CSTF3: variants seen among roughly 807,000 people sequenced by gnomAD.
The protein encoded by CSTF3 is CF-1 77 kDa subunit.
CSTF3 carries 29 observed loss-of-function variants against 105.8 expected under a neutral mutation model. That is an observed-to-expected ratio of 0.27 (90% confidence interval 0.20 to 0.37). The LOEUF (loss-of-function observed/expected upper bound fraction) is 0.37, where lower values mean the gene tolerates loss of function less well. Among genes scored for constraint, CSTF3 ranks in the 10% least tolerant of loss-of-function variants. The pLI is 1.00. For synonymous variants in CSTF3, 252 were observed against 281.9 expected, an observed-to-expected ratio of 0.89 and a Z score of 1.06; for missense variants, 357 against 879.3, an observed-to-expected ratio of 0.41 and a Z score of 7.51.
rs755149209 is a variant in CSTF3, at chr11:33,092,265, G to C, written c.1445+6C>G. Reference sequence around the variant, plus strand: ...ACCTGATCAACAACTTTTCACAATGGCTTACCCAGACTTCTCAGGAGGAAG... The same window carrying C: ...ACCTGATCAACAACTTTTCACAATGCCTTACCCAGACTTCTCAGGAGGAAG... On this transcript the variant is annotated splice_donor_region_variant and intron_variant, in intron 16 of 20. Transcript: ENST00000323959. 7.6e-6 allele frequency: 12 copies of C among 1,587,354 alleles called. No homozygotes were observed. The East Asian group carries it at 2.5e-4, about 34-fold the overall frequency.
intron 3 of CSTF3, among the ~76,000 whole-genome samples, chr11:33,127,908 A>G (rs1357973667): frequency 6.6e-6 from 1 of 152,172 alleles, no homozygotes; most frequent in Admixed American, 6.5e-5. Flanking sequence ...CCCTTTGGTA[A>G]AATTATCCCT....
At chr11:33,104,787 C>A (rs964351817) in intron 8 of CSTF3, among the ~76,000 whole-genome samples, 1 of 152,118 alleles carries the variant, frequency 6.6e-6, no homozygotes, top group African/African-American at 2.4e-5. Flanking sequence ...ACAAAAAATT[C>A]TTTGTGATCT....
chr11:33,154,778 C>A lies in CSTF3; in HGVS notation c.27+6521G>T, dbSNP rs372508940. Among the ~76,000 whole-genome samples the A allele has an allele frequency of 9.9e-5, 15 of 152,048 alleles. 2 individuals are homozygous for A. The highest frequency in any genetic ancestry group is 7.9e-4 in the Admixed American group (12 of 15,246). ...CCGAAGTGCTGGGATTACAGACAGG[C>A]GTGAGCCACGGTGCCGTGCTGAGAC... On this transcript the variant is annotated intron_variant, in intron 1 of 20. Coordinates refer to ENST00000323959, the MANE Select transcript of CSTF3 (RefSeq NM_001326.3).
intron 3 of CSTF3, among the ~76,000 whole-genome samples, chr11:33,138,470 A>G (rs145133585): frequency 6.6e-6 from 1 of 151,874 alleles, no homozygotes; most frequent in African/African-American, 2.4e-5. Flanking sequence ...AGTTCTTTAA[A>G]GAGCACTGAG....
chr11:33,112,333 G>C (rs1295503218), intron 3 of CSTF3, among the ~76,000 whole-genome samples: 1 of 151,880 alleles, frequency 6.6e-6, no homozygotes, highest in Non-Finnish European at 1.5e-5. Flanking sequence ...TGATCACATT[G>C]CATTAATTAC....
intron 3 of CSTF3, among the ~76,000 whole-genome samples, chr11:33,129,535 T>C (rs1222389011): frequency 5.3e-5 from 8 of 152,192 alleles, no homozygotes; most frequent in Non-Finnish European, 8.8e-5. Flanking sequence ...AAAAAAGGTG[T>C]TAATACTTTG....
intron 3 of CSTF3, among the ~76,000 whole-genome samples, chr11:33,132,271 G>C (rs773057250): frequency 2.0e-5 from 3 of 151,890 alleles, no homozygotes; most frequent in Non-Finnish European, 4.4e-5. Flanking sequence ...AATATGATCA[G>C]ACCACTGTTA....
chr11:33,124,751 C>G (rs187225875), intron 3 of CSTF3, among the ~76,000 whole-genome samples: 1 of 152,100 alleles, frequency 6.6e-6, no homozygotes, highest in Admixed American at 6.5e-5. Context: ...AAAATGCATG[C>G]GTAACTTCCA....
intron 3 of CSTF3, among the ~76,000 whole-genome samples, chr11:33,115,490 C>T (rs1012812700): frequency 1.3e-5 from 2 of 152,116 alleles, no homozygotes; most frequent in African/African-American, 4.8e-5. Flanking sequence ...TTCTTCTTTC[C>T]ACCACCCACT....
At chr11:33,107,878 T>A in intron 5 of CSTF3, 25 bp downstream of exon 5, 1 of 1,417,012 alleles carries the variant, frequency 7.1e-7, no homozygotes, top group African/African-American at 1.4e-5. Flanking sequence ...ATGACTTGCA[T>A]TCTTAAGATC....
chr11:33,131,637 G>C (rs1045633116), intron 3 of CSTF3, among the ~76,000 whole-genome samples: 6 of 151,994 alleles, frequency 3.9e-5, no homozygotes, highest in Non-Finnish European at 7.4e-5. Flanking sequence ...ACGAGGTCAG[G>C]AGATCGAGAC....
At chr11:33,148,593 G>A (rs1304411854) in intron 1 of CSTF3, among the ~76,000 whole-genome samples, 2 of 152,058 alleles carry the variant, frequency 1.3e-5, no homozygotes, top group East Asian at 3.9e-4. Flanking sequence ...ACACTCAGGA[G>A]GCTGAGGTGG....
chr11:33,117,494 C>G (rs1855441578), intron 3 of CSTF3, among the ~76,000 whole-genome samples: 1 of 151,912 alleles, frequency 6.6e-6, no homozygotes, highest in Non-Finnish European at 1.5e-5. Flanking sequence ...TTTGTAAGCA[C>G]TACTCCAAGA....
chr11:33,090,765 C>T (rs1443113463), intron 16 of CSTF3, 38 bp from the exon 17 acceptor site: 29 of 1,437,586 alleles, frequency 2.0e-5, no homozygotes, highest in Non-Finnish European at 2.5e-5. Context: ...TTTAATTATT[C>T]TGGGTTTAGG....
intron 3 of CSTF3, among the ~76,000 whole-genome samples, chr11:33,112,787 T>C (rs1855392812): frequency 6.6e-6 from 1 of 152,170 alleles, no homozygotes; most frequent in African/African-American, 2.4e-5. Flanking sequence ...GTTTAAATTC[T>C]AAAAATAAAA....
Position 33,132,432 on chromosome 11 carries a change from G to A in CSTF3, c.225+9235C>T, listed in dbSNP as rs981489841. On this transcript the variant is annotated intron_variant, in intron 3 of 20. Coordinates refer to ENST00000323959, the MANE Select transcript of CSTF3 (RefSeq NM_001326.3). Reference sequence around the variant, plus strand: ...TTAGAGATGGGGTGATTACTACATTGCCCAGGCTGGTCTCAAACTCGTGGG... The same window carrying A: ...TTAGAGATGGGGTGATTACTACATTACCCAGGCTGGTCTCAAACTCGTGGG... Among the ~76,000 whole-genome samples, 22 of 152,096 alleles carry A rather than the reference G, an allele frequency of 1.4e-4. No homozygotes were observed. The South Asian group carries it at 1.5e-3, about 10-fold the overall frequency.
At chr11:33,087,434 G>A (rs529564762) in intron 17 of CSTF3, among the ~76,000 whole-genome samples, 1 of 152,182 alleles carries the variant, frequency 6.6e-6, no homozygotes, top group African/African-American at 2.4e-5. Context: ...TGGGTAGTCA[G>A]ACTGGGAACC....
intron 15 of CSTF3, among the ~76,000 whole-genome samples, chr11:33,093,859 C>T (rs1451452309): frequency 1.3e-5 from 2 of 152,126 alleles, no homozygotes; most frequent in African/African-American, 4.8e-5. Flanking sequence ...AGGTGCACGC[C>T]ACCATGCCCG....
intron 3 of CSTF3, among the ~76,000 whole-genome samples, chr11:33,114,521 T>A (rs72904932): frequency 6.6e-6 from 1 of 152,150 alleles, no homozygotes; most frequent in Non-Finnish European, 1.5e-5. Flanking sequence ...TCACCAGTTA[T>A]AAGAATCATT....
Sources: allele counts gnomAD v4.1 joint callset (sites outside exome capture counted in the v4.1 genomes callset), GRCh38; gene constraint gnomAD v4.1.1; transcripts MANE v1.5; gene names NCBI Gene and HGNC (gene_info 2026-07-23, HGNC 2026-07-21).